Variants in CLSTN2 observed in about 807,000 individuals in gnomAD.
CLSTN2 encodes calsyntenin-2.
A neutral mutation model predicts 101.2 loss-of-function variants in CLSTN2; 48 were observed. The observed-to-expected ratio is 0.47, with a 90% confidence interval of 0.38 to 0.60. The LOEUF (loss-of-function observed/expected upper bound fraction) is 0.60. Ranked by LOEUF, CLSTN2 falls within the 20% of genes least tolerant of loss-of-function variation. The pLI, the probability that CLSTN2 is intolerant of heterozygous loss-of-function variation, is 0.00. For synonymous variants in CLSTN2, 481 were observed against 463.6 expected (o/e 1.04, Z -0.48); for missense variants, 1,160 against 1,238.2 (o/e 0.94, Z 0.95).
chr3:140,553,577 C>T (rs1280781005), intron 10 of CLSTN2, among the ~76,000 whole-genome samples: 1 of 152,084 alleles, frequency 6.6e-6, no homozygotes, highest in Non-Finnish European at 1.5e-5. Context: ...ATATGATCCC[C>T]AAACCTCAAG....
chr3:140,474,691 C>T (rs1450925880), intron 8 of CLSTN2, among the ~76,000 whole-genome samples: 1 of 152,182 alleles, frequency 6.6e-6, no homozygotes, highest in East Asian at 1.9e-4. Context: ...TCCCCTAAAG[C>T]AGCACAGAAA....
At chr3:140,104,648 G>C (rs2009022439) in intron 1 of CLSTN2, among the ~76,000 whole-genome samples, 1 of 152,214 alleles carries the variant, frequency 6.6e-6, no homozygotes, top group Non-Finnish European at 1.5e-5. Flanking sequence ...TGTCTAAAAA[G>C]AGAAAGTGTT....
chr3:140,168,354 T>C (rs1000471447), intron 1 of CLSTN2, among the ~76,000 whole-genome samples: 2 of 152,172 alleles, frequency 1.3e-5, no homozygotes, highest in African/African-American at 4.8e-5. Context: ...CAATTTTTGC[T>C]TTTTGAAAAT....
chr3:140,160,065 G>A (rs775318573), intron 1 of CLSTN2, among the ~76,000 whole-genome samples: 42 of 152,048 alleles, frequency 2.8e-4, no homozygotes, highest in Non-Finnish European at 5.3e-4. Flanking sequence ...AGAGTACTGT[G>A]TTCACTAACT....
chr3:140,411,838 C>T (rs1037765751), intron 4 of CLSTN2, among the ~76,000 whole-genome samples: 1 of 152,126 alleles, frequency 6.6e-6, no homozygotes, highest in African/African-American at 2.4e-5. Flanking sequence ...AATGATACAA[C>T]CATAGTGTGA....
chr3:139,968,614 G>A, intron 1 of CLSTN2, among the ~76,000 whole-genome samples: 1 of 152,328 alleles, frequency 6.6e-6, no homozygotes, highest in Admixed American at 6.5e-5. Flanking sequence ...AGTCTCCACA[G>A]ATATGAGAAA....
chr3:139,993,017 A>AT (rs1161514795), intron 1 of CLSTN2, among the ~76,000 whole-genome samples: 2 of 152,006 alleles, frequency 1.3e-5, no homozygotes, highest in African/African-American at 4.8e-5. Flanking sequence ...TCTAAAGTTC[A>AT]TTTTCAATTC....
intron 1 of CLSTN2, among the ~76,000 whole-genome samples, chr3:140,044,608 A>G (rs1254780597): frequency 6.6e-6 from 1 of 152,142 alleles, no homozygotes; most frequent in Non-Finnish European, 1.5e-5. Flanking sequence ...GTCTTGTGGC[A>G]GTTTTCAAAG....
At chr3:140,069,067 C>G (rs550981875) in intron 1 of CLSTN2, among the ~76,000 whole-genome samples, 3 of 152,136 alleles carry the variant, frequency 2.0e-5, no homozygotes, top group Admixed American at 6.5e-5. Flanking sequence ...GACAAGAAAG[C>G]TAAGGCTTGG....
chr3:140,233,957 G>A (rs576760605), intron 2 of CLSTN2, among the ~76,000 whole-genome samples: 15 of 152,178 alleles, frequency 9.9e-5, no homozygotes, highest in South Asian at 2.1e-4. Context: ...CTTTTCTCAC[G>A]CCACAGTGGC....
intron 2 of CLSTN2, among the ~76,000 whole-genome samples, chr3:140,361,465 C>T (rs1446844652): frequency 6.6e-6 from 1 of 152,080 alleles, no homozygotes; most frequent in Admixed American, 6.6e-5. Context: ...CAACACTAAA[C>T]TAGTGATCCT....
At chr3:140,362,988 T>C (rs1214602468) in intron 2 of CLSTN2, among the ~76,000 whole-genome samples, 1 of 152,160 alleles carries the variant, frequency 6.6e-6, no homozygotes, top group African/African-American at 2.4e-5. Context: ...GGGCATCATC[T>C]AAGGATATGA....
intron 2 of CLSTN2, among the ~76,000 whole-genome samples, chr3:140,331,189 G>A (rs1377828098): frequency 6.6e-6 from 1 of 152,152 alleles, no homozygotes; most frequent in Non-Finnish European, 1.5e-5. Flanking sequence ...AGAATCTGGA[G>A]TCTGAGTCCA....
chr3:140,020,217 G>A (rs941639079), intron 1 of CLSTN2, among the ~76,000 whole-genome samples: 1 of 152,164 alleles, frequency 6.6e-6, no homozygotes, highest in Non-Finnish European at 1.5e-5. Context: ...GCTGAGAAGC[G>A]AACATTCAGT....
At chr3:140,495,523 A>C (rs1934447725) in intron 8 of CLSTN2, among the ~76,000 whole-genome samples, 1 of 152,156 alleles carries the variant, frequency 6.6e-6, no homozygotes, top group South Asian at 2.1e-4. Context: ...TGTTTTTGTC[A>C]TGAAATCTTT....
intron 8 of CLSTN2, among the ~76,000 whole-genome samples, chr3:140,518,606 G>A (rs1004898146): frequency 1.3e-5 from 2 of 152,130 alleles, no homozygotes; most frequent in Non-Finnish European, 2.9e-5. Flanking sequence ...TAAATCCAGG[G>A]GCAGATGATT....
chr3:140,115,280 T>C (rs564860420), intron 1 of CLSTN2, among the ~76,000 whole-genome samples: 1 of 152,290 alleles, frequency 6.6e-6, no homozygotes, highest in South Asian at 2.1e-4. Context: ...GACACCATAG[T>C]GGGGTACATG....
At chr3:139,958,083 G>A (rs1273819577) in intron 1 of CLSTN2, among the ~76,000 whole-genome samples, 1 of 152,190 alleles carries the variant, frequency 6.6e-6, no homozygotes, top group Admixed American at 6.5e-5. Context: ...TAGCCAGGGT[G>A]CCTGGCTGCT....
chr3:140,168,433 G>A (rs558858912), intron 1 of CLSTN2, among the ~76,000 whole-genome samples: 2 of 152,062 alleles, frequency 1.3e-5, no homozygotes, highest in Non-Finnish European at 2.9e-5. Context: ...GAAATGTTTT[G>A]CAAATATTTC....
Sources: allele counts gnomAD v4.1 joint callset (sites outside exome capture counted in the v4.1 genomes callset), GRCh38; gene constraint gnomAD v4.1.1; transcripts MANE v1.5; gene names NCBI Gene and HGNC (gene_info 2026-07-23, HGNC 2026-07-21).